SLCO3A1: variants seen among roughly 807,000 people sequenced by gnomAD.
SLCO3A1 encodes the protein solute carrier organic anion transporter family member 3A1.
Under a neutral mutation model 63.1 loss-of-function variants are expected in SLCO3A1, and 27 were observed. The observed-to-expected ratio is 0.43, with a 90% confidence interval of 0.32 to 0.59. The LOEUF (loss-of-function observed/expected upper bound fraction) is 0.59, where lower values mean the gene tolerates loss of function less well. Ranked by LOEUF, SLCO3A1 falls within the 20% of genes least tolerant of loss-of-function variation. The pLI is 0.09. For synonymous variants in SLCO3A1, 473 were observed against 409.9 expected (o/e 1.15, Z -1.86); for missense variants, 773 against 945.8 (o/e 0.82, Z 2.40).
At chr15:91,877,232 G>T (rs1213250772) in intron 1 of SLCO3A1, among the ~76,000 whole-genome samples, 1 of 152,082 alleles carries the variant, frequency 6.6e-6, no homozygotes, top group Non-Finnish European at 1.5e-5. Context: ...AATTAAGTTG[G>T]TGTGAACCTT....
Position 91,941,395 on chromosome 15 carries a change from C to CTGGG in SLCO3A1, c.646+24937_646+24938insTGGG, listed in dbSNP as rs1899615300. On this transcript the variant is annotated intron_variant, in intron 2 of 9. Transcript: ENST00000318445. This position sits in a 1 kb window ranked among gnomAD's most constrained non-coding sequence, Gnocchi z 4.4. ...CTGGGAGGCTGTGGGGTCTGCCACCCAGCAGATCTGTGTCACGGGAGTGGC... is the reference window on the plus strand; with the variant it reads ...CTGGGAGGCTGTGGGGTCTGCCACCCTGGGAGCAGATCTGTGTCACGGGAGTGGC... The CTGGG allele has an allele frequency of 2.6e-6, 1 of 387,650 alleles. No homozygotes were observed. 24.0% of individuals were successfully genotyped at this position (387,650 alleles called of 1,614,324 possible).
intron 7 of SLCO3A1, among the ~76,000 whole-genome samples, chr15:92,146,588 C>A (rs544048042): frequency 6.6e-6 from 1 of 152,114 alleles, no homozygotes; most frequent in Non-Finnish European, 1.5e-5. Context: ...TAATACACTT[C>A]AGTGTAATTA....
At chr15:92,096,803 A>G (rs1418505335) in intron 3 of SLCO3A1, among the ~76,000 whole-genome samples, 2 of 152,142 alleles carry the variant, frequency 1.3e-5, no homozygotes, top group African/African-American at 4.8e-5. Context: ...AAAAAAAATC[A>G]GAGGCAGCCC....
intron 2 of SLCO3A1, among the ~76,000 whole-genome samples, chr15:92,084,048 T>C (rs2047377680): frequency 6.6e-6 from 1 of 152,236 alleles, no homozygotes; most frequent in South Asian, 2.1e-4. Flanking sequence ...TCATCCTTAA[T>C]GAGCATGTGC....
At chr15:91,898,565 A>G (rs1898067737) in intron 1 of SLCO3A1, among the ~76,000 whole-genome samples, 1 of 152,108 alleles carries the variant, frequency 6.6e-6, no homozygotes, top group Admixed American at 6.5e-5. Flanking sequence ...ATCTGGGAAA[A>G]CTCAGCTAAA....
intron 2 of SLCO3A1, among the ~76,000 whole-genome samples, chr15:92,081,606 G>A (rs903112768): frequency 6.6e-6 from 1 of 152,160 alleles, no homozygotes; most frequent in Non-Finnish European, 1.5e-5. Context: ...GACCTCAGGC[G>A]ATCTGCCCAC....
chr15:91,864,490 CTTT>C (rs56982912), intron 1 of SLCO3A1, among the ~76,000 whole-genome samples: 7,369 of 133,646 alleles, frequency 0.055, 256 homozygotes, highest in African/African-American at 0.14. Flanking sequence ...AAATGTTCCT[CTTT>C]TTTTTTTTTT....
chr15:92,110,786 G>C (rs1415989019), intron 4 of SLCO3A1, among the ~76,000 whole-genome samples: 1 of 152,162 alleles, frequency 6.6e-6, no homozygotes, highest in East Asian at 1.9e-4. Context: ...TATGTGATAG[G>C]GGAGGGAGTA....
rs193007400 is a variant in SLCO3A1 at position 91,926,186 on chromosome 15, G to A, written c.646+9728G>A. Among the ~76,000 whole-genome samples the A allele has an allele frequency of 5.1e-4, 77 of 152,256 alleles. No individual in the cohort carries two copies. In the East Asian group the frequency reaches 9.7e-3, roughly 19 times the overall value. ...AAGCGTTGGCTTAGCTCTTCATTTCGTTATTTCAGAGGCATTGAAGTTACA... is the reference window on the plus strand; with the variant it reads ...AAGCGTTGGCTTAGCTCTTCATTTCATTATTTCAGAGGCATTGAAGTTACA... On this transcript the variant is annotated intron_variant, in intron 2 of 9. Coordinates refer to ENST00000318445, the MANE Select transcript of SLCO3A1 (RefSeq NM_013272.4).
chr15:92,109,233 A>G (rs1398127072), intron 4 of SLCO3A1, among the ~76,000 whole-genome samples: 1 of 152,176 alleles, frequency 6.6e-6, no homozygotes, highest in Non-Finnish European at 1.5e-5. Context: ...TGGAAGGGAA[A>G]GGCATTTGAA....
chr15:91,935,880 G>C (rs1899395196), intron 2 of SLCO3A1, among the ~76,000 whole-genome samples: 1 of 152,016 alleles, frequency 6.6e-6, no homozygotes, highest in Admixed American at 6.6e-5. Context: ...CTGTTTCAAG[G>C]GACACCACAG....
At chr15:92,052,158 G>T (rs2046965925) in intron 2 of SLCO3A1, among the ~76,000 whole-genome samples, 1 of 152,144 alleles carries the variant, frequency 6.6e-6, no homozygotes, top group South Asian at 2.1e-4. Flanking sequence ...AACTTGTGTG[G>T]TTGGTCTGGG....
In SLCO3A1 at chr15:91,942,710, A is replaced by G. The variant is rs1320620765; in HGVS notation, c.646+26252A>G. 6.6e-6 allele frequency among the ~76,000 whole-genome samples: 1 copy of G among 152,180 alleles called. No individual in the cohort carries two copies. The highest frequency in any genetic ancestry group is 2.4e-5 in the African/African-American group (1 of 41,444). ...GTAATTCCCAAGAAGCTGGAATTAC[A>G]GGCGTGCACCACCACGCCCGGCTAA... On this transcript the variant is annotated intron_variant, in intron 2 of 9. Transcript: ENST00000318445. The surrounding 1 kb of genome is among the most constrained non-coding windows in gnomAD (Gnocchi z 4.1).
intron 3 of SLCO3A1, among the ~76,000 whole-genome samples, chr15:92,100,205 G>A (rs968133844): frequency 6.6e-6 from 1 of 152,230 alleles, no homozygotes; most frequent in Non-Finnish European, 1.5e-5. Flanking sequence ...TACACCCAGT[G>A]TATGGCTCTT....
chr15:92,084,260 A>AT (rs1180723086), intron 2 of SLCO3A1, among the ~76,000 whole-genome samples: 1 of 152,238 alleles, frequency 6.6e-6, no homozygotes, highest in East Asian at 1.9e-4. Context: ...TTAAAACGTC[A>AT]TAAAAAAAGA....
chr15:92,049,654 G>A (rs2046933272), intron 2 of SLCO3A1, among the ~76,000 whole-genome samples: 1 of 152,156 alleles, frequency 6.6e-6, no homozygotes. Flanking sequence ...TCTTTACCAA[G>A]ACTTAATGAA....
chr15:91,973,509 T>A (rs1387278468), intron 2 of SLCO3A1, among the ~76,000 whole-genome samples: 2 of 152,168 alleles, frequency 1.3e-5, no homozygotes, highest in African/African-American at 4.8e-5. Flanking sequence ...AGCTGGTGTA[T>A]TGTCTGAGTG....
rs1899619629 is a variant in SLCO3A1, at chr15:91,941,495, T to C, written c.646+25037T>C. 2 of 455,082 alleles carry C rather than the reference T, an allele frequency of 4.4e-6. No individual in the cohort carries two copies. The highest frequency in any genetic ancestry group is 3.1e-5 in the South Asian group (2 of 64,374). 28.2% of individuals were successfully genotyped at this position (455,082 alleles called of 1,614,324 possible). ...ACAAACTTCAACTCTGAGCCTTGAT[T>C]GAGTGACCTTGGCCAAGTTACCTAG... On this transcript the variant is annotated intron_variant, in intron 2 of 9. Coordinates refer to ENST00000318445, the MANE Select transcript of SLCO3A1 (RefSeq NM_013272.4). The surrounding 1 kb of genome is among the most constrained non-coding windows in gnomAD (Gnocchi z 4.4).
At chr15:92,009,436 A>G (rs1184869678) in intron 2 of SLCO3A1, among the ~76,000 whole-genome samples, 2 of 152,188 alleles carry the variant, frequency 1.3e-5, no homozygotes, top group Non-Finnish European at 1.5e-5. Context: ...CAGCCCACTC[A>G]GTTTCTGAGC....
Sources: gnomAD v4.1 joint callset for allele counts (sites outside exome capture counted in the v4.1 genomes callset) on GRCh38, gnomAD v4.1.1 for gene constraint, Gnocchi (gnomAD v3.1) non-coding constraint, MANE v1.5 for transcripts, NCBI Gene and HGNC (gene_info 2026-07-23, HGNC 2026-07-21) for gene names.